The following NYAP2 variants were observed in gnomAD, a reference collection of about 807,000 sequenced individuals.
NYAP2 encodes neuronal tyrosine-phosphorylated phosphoinositide-3-kinase adaptor 2.
Under a neutral mutation model 50.4 loss-of-function variants are expected in NYAP2, and 23 were observed. The observed-to-expected ratio is 0.46, with a 90% CI of 0.33 to 0.65. The LOEUF (loss-of-function observed/expected upper bound fraction) is 0.65. NYAP2 is among the 30% of genes least tolerant of loss of function. The probability of loss-of-function intolerance (pLI) is 0.02; values close to 1 mark genes in which losing one functional copy is unlikely to be tolerated. For synonymous variants in NYAP2, 394 were observed against 365.2 expected (o/e 1.08, Z -0.90); for missense variants, 885 against 861.0 (o/e 1.03, Z -0.35).
Position 225,583,007 on chromosome 2 carries a change from T to C in NYAP2, c.1590T>C (p.Ser530=), listed in dbSNP as rs765919246. 22 of 1,611,724 alleles carry C rather than the reference T, an allele frequency of 1.4e-5. No homozygotes were observed. In the African/African-American group the frequency reaches 2.0e-4, roughly 15 times the overall value. Reference sequence around the variant, plus strand: ...GCAGCCTGCTGCGCAAGTCGTCCAGTGGCCGGCGCTCCAAAGAGCCTGCAG... The same window carrying C: ...GCAGCCTGCTGCGCAAGTCGTCCAGCGGCCGGCGCTCCAAAGAGCCTGCAG... The change falls in exon 5 of 7, where the codon AGT becomes AGC. Residue 530 remains serine, a synonymous_variant. Transcript: ENST00000636099.
intron 6 of NYAP2, among the ~76,000 whole-genome samples, chr2:225,641,108 C>A (rs1693521806): frequency 6.6e-6 from 1 of 152,104 alleles, no homozygotes; most frequent in Non-Finnish European, 1.5e-5. Flanking sequence ...TGACAGGTGT[C>A]TGTCACGGCA....
chr2:225,572,696 C>A (rs1022207782), intron 4 of NYAP2, among the ~76,000 whole-genome samples: 1 of 152,160 alleles, frequency 6.6e-6, no homozygotes, highest in Non-Finnish European at 1.5e-5. Context: ...TTATTAAAAG[C>A]TTTCTCATCG....
the NYAP2 span, among the ~76,000 whole-genome samples, chr2:225,666,742 A>G: frequency 6.6e-6 from 1 of 152,216 alleles, no homozygotes; most frequent in Admixed American, 6.5e-5. Flanking sequence ...TGGACCTTTA[A>G]AAAGTACTAG....
the NYAP2 span, among the ~76,000 whole-genome samples, chr2:225,673,168 A>G: frequency 6.6e-6 from 1 of 152,084 alleles, no homozygotes; most frequent in Admixed American, 6.6e-5. Flanking sequence ...TTATGGAACC[A>G]TCGGACCTGG....
intron 3 of NYAP2, among the ~76,000 whole-genome samples, chr2:225,413,994 C>T (rs1375835543): frequency 6.6e-6 from 1 of 152,110 alleles, no homozygotes; most frequent in Non-Finnish European, 1.5e-5. Context: ...TATGATTGAC[C>T]TTCTGGATCA....
intron 6 of NYAP2, among the ~76,000 whole-genome samples, chr2:225,650,111 G>T (rs1269047541): frequency 6.6e-6 from 1 of 152,200 alleles, no homozygotes; most frequent in Non-Finnish European, 1.5e-5. Flanking sequence ...ATGAGTCTGT[G>T]TGTAAGTAGG....
At chr2:225,580,908 A>G (rs965655489) in intron 4 of NYAP2, among the ~76,000 whole-genome samples, 3 of 152,206 alleles carry the variant, frequency 2.0e-5, no homozygotes, top group African/African-American at 7.2e-5. Flanking sequence ...AAGCAACCAC[A>G]TTCTGCTACA....
At chr2:225,554,254 T>C (rs1428869575) in intron 4 of NYAP2, among the ~76,000 whole-genome samples, 4 of 133,832 alleles carry the variant, frequency 3.0e-5, no homozygotes, top group East Asian at 1.9e-4. Context: ...GTATAAACTA[T>C]TTATTTGTAT....
At chr2:225,518,618 T>TTATATA (rs1263137157) in intron 4 of NYAP2, among the ~76,000 whole-genome samples, 4 of 133,702 alleles carry the variant, frequency 3.0e-5, no homozygotes, top group African/African-American at 1.1e-4. Flanking sequence ...GCTTGTGAGC[T>TTATATA]TATATATATA....
intron 5 of NYAP2, among the ~76,000 whole-genome samples, chr2:225,612,590 C>T (rs1692909680): frequency 6.6e-6 from 1 of 152,088 alleles, no homozygotes; most frequent in African/African-American, 2.4e-5. Flanking sequence ...CTGGGAAGTT[C>T]AAAGTCAAGG....
chr2:225,683,933 G>C, the NYAP2 span, among the ~76,000 whole-genome samples: 5 of 152,042 alleles, frequency 3.3e-5, no homozygotes, highest in Admixed American at 6.6e-5. Context: ...TTGGTTAAAA[G>C]GCAAAATGAT....
intron 6 of NYAP2, among the ~76,000 whole-genome samples, chr2:225,637,779 G>A (rs921738086): frequency 6.6e-6 from 1 of 152,104 alleles, no homozygotes; most frequent in African/African-American, 2.4e-5. Context: ...CTGGTAGTAT[G>A]GCTTTGAGAA....
intron 6 of NYAP2, among the ~76,000 whole-genome samples, chr2:225,642,663 C>T (rs189492549): frequency 5.7e-4 from 87 of 152,192 alleles, no homozygotes; most frequent in African/African-American, 2.0e-3. Flanking sequence ...ATAGAATAAT[C>T]GATTGGACAG....
intron 3 of NYAP2, among the ~76,000 whole-genome samples, chr2:225,502,645 C>T (rs1690626952): frequency 6.6e-6 from 1 of 152,122 alleles, no homozygotes; most frequent in South Asian, 2.1e-4. Flanking sequence ...CTCACAAATC[C>T]CCTTCTTCCC....
intron 3 of NYAP2, among the ~76,000 whole-genome samples, chr2:225,488,756 C>G (rs889603595): frequency 6.6e-6 from 1 of 152,172 alleles, no homozygotes; most frequent in African/African-American, 2.4e-5. Flanking sequence ...AGGTGGGTTT[C>G]CCTTTGGCTT....
At chr2:225,593,149 T>C (rs949359180) in intron 5 of NYAP2, among the ~76,000 whole-genome samples, 10 of 152,206 alleles carry the variant, frequency 6.6e-5, no homozygotes, top group African/African-American at 2.4e-4. Context: ...ACTGGCTACA[T>C]CATGTTACCC....
At chr2:225,445,365 A>T (rs1179432210) in intron 3 of NYAP2, among the ~76,000 whole-genome samples, 2 of 152,098 alleles carry the variant, frequency 1.3e-5, no homozygotes, top group Non-Finnish European at 1.5e-5. Context: ...TAATTTTTTA[A>T]AGAATAACAA....
chr2:225,659,174 ACT>A, the NYAP2 span, among the ~76,000 whole-genome samples: 3 of 152,176 alleles, frequency 2.0e-5, no homozygotes, highest in Admixed American at 6.5e-5. Flanking sequence ...CTGTTATCTA[ACT>A]CTGCTGTCGC....
intron 4 of NYAP2, among the ~76,000 whole-genome samples, chr2:225,544,317 C>T (rs930810476): frequency 6.6e-6 from 1 of 151,550 alleles, no homozygotes; most frequent in Admixed American, 6.6e-5. Flanking sequence ...GGACTTACTC[C>T]TGCCATTTTG....
Sources: gnomAD v4.1 joint callset for allele counts (sites outside exome capture counted in the v4.1 genomes callset) on GRCh38, gnomAD v4.1.1 for gene constraint, MANE v1.5 for transcripts, NCBI Gene and HGNC (gene_info 2026-07-23, HGNC 2026-07-21) for gene names.